The following NCOA1 variants were observed in gnomAD, a reference collection of about 807,000 sequenced individuals.
NCOA1 encodes nuclear receptor coactivator 1, also known as Hin-2 protein.
A neutral mutation model predicts 150.9 loss-of-function variants in NCOA1; 35 were observed. The observed-to-expected ratio is 0.23, with a 90% CI of 0.18 to 0.31. NCOA1 has a LOEUF of 0.31. Among genes scored for constraint, NCOA1 ranks in the 10% least tolerant of loss-of-function variants. NCOA1 has a pLI of 1.00. For missense variants in NCOA1, 1,491 were observed against 1,749.3 expected (o/e 0.85, Z 2.63); for synonymous variants, 590 against 630.0 (o/e 0.94, Z 0.95).
chr2:24,534,545 G>T (rs1428123293), intron 1 of NCOA1, among the ~76,000 whole-genome samples: 1 of 151,866 alleles, frequency 6.6e-6, no homozygotes, highest in African/African-American at 2.4e-5. Context: ...TAATGTTAGG[G>T]TGTCAATTTT....
rs1324036802 is a variant in NCOA1 at position 24,642,332 on chromosome 2, TATA to T, written c.-174-1633_-174-1631del. Among the ~76,000 whole-genome samples the T allele has an allele frequency of 7.2e-4, 106 of 148,010 alleles. 3 individuals are homozygous for T. The highest frequency in any genetic ancestry group is 2.7e-3 in the East Asian group (14 of 5,116). ...ATATGTATATAAATATATATATATA[TATA>T]TTTTTTAAAATCTTTAAACATATTT... On this transcript the variant is annotated intron_variant, in intron 3 of 22. Coordinates refer to ENST00000348332, the MANE Select transcript of NCOA1 (RefSeq NM_003743.5).
At chr2:24,715,231 G>A (rs1673964515) in intron 14 of NCOA1, among the ~76,000 whole-genome samples, 2 of 151,964 alleles carry the variant, frequency 1.3e-5, no homozygotes, top group African/African-American at 4.8e-5. Flanking sequence ...GATAAGTAAA[G>A]GTATGAATAA....
At chr2:24,616,432 T>G (rs1352195045) in intron 3 of NCOA1, among the ~76,000 whole-genome samples, 3 of 152,186 alleles carry the variant, frequency 2.0e-5, no homozygotes, top group Non-Finnish European at 2.9e-5. Flanking sequence ...GAAATACCAT[T>G]TCTTTTGGCA....
At chr2:24,545,046 T>C (rs2148204908) in intron 1 of NCOA1, among the ~76,000 whole-genome samples, 1 of 152,318 alleles carries the variant, frequency 6.6e-6, no homozygotes, top group East Asian at 1.9e-4. Flanking sequence ...TATGTATGTA[T>C]ACATAGCCTA....
At chr2:24,587,827 G>C (rs1667480036) in intron 3 of NCOA1, among the ~76,000 whole-genome samples, 1 of 152,178 alleles carries the variant, frequency 6.6e-6, no homozygotes, top group African/African-American at 2.4e-5. Context: ...GGCGGCCCAG[G>C]TAAAATGTAG....
intron 6 of NCOA1, among the ~76,000 whole-genome samples, chr2:24,668,317 C>T (rs1166659816): frequency 1.3e-5 from 2 of 151,908 alleles, no homozygotes; most frequent in Non-Finnish European, 1.5e-5. Context: ...GGATTGAAAG[C>T]CCTCATGTAG....
At chr2:24,745,828 C>CTA (rs1663888558) in intron 19 of NCOA1, among the ~76,000 whole-genome samples, 1 of 152,250 alleles carries the variant, frequency 6.6e-6, no homozygotes, top group South Asian at 2.1e-4. Flanking sequence ...ACAGTAAACT[C>CTA]TGAGTTCCGA....
intron 21 of NCOA1, among the ~76,000 whole-genome samples, chr2:24,760,370 G>C (rs1477373269): frequency 2.0e-5 from 3 of 147,944 alleles, no homozygotes; most frequent in Non-Finnish European, 4.4e-5. Flanking sequence ...TGTTAGCCAG[G>C]ATGGTCTCAA....
At chr2:24,731,189 T>G (rs1462712439) in intron 17 of NCOA1, among the ~76,000 whole-genome samples, 3 of 152,204 alleles carry the variant, frequency 2.0e-5, no homozygotes, top group Non-Finnish European at 1.5e-5. Context: ...GGAGACTTAC[T>G]AATTCAGGAA....
chr2:24,697,327 T>C (rs1672952006), intron 10 of NCOA1, among the ~76,000 whole-genome samples: 1 of 152,104 alleles, frequency 6.6e-6, no homozygotes, highest in African/African-American at 2.4e-5. Context: ...CGGTCATCAG[T>C]ATACAGAGAG....
chr2:24,758,609 G>A (rs951420231), intron 21 of NCOA1, among the ~76,000 whole-genome samples: 1 of 151,978 alleles, frequency 6.6e-6, no homozygotes, highest in African/African-American at 2.4e-5. Flanking sequence ...GGGATTACAG[G>A]TGTGAGCCAC....
chr2:24,496,008 C>G (rs1463296118), intron 1 of NCOA1, among the ~76,000 whole-genome samples: 1 of 152,176 alleles, frequency 6.6e-6, no homozygotes, highest in Non-Finnish European at 1.5e-5. Flanking sequence ...TCTGGTTCTG[C>G]AATCTGGTCC....
chr2:24,558,396 G>C lies in NCOA1; in HGVS notation c.-395-5899G>C, dbSNP rs1024880613. Among the ~76,000 whole-genome samples, 4 of 152,230 alleles carry C rather than the reference G, an allele frequency of 2.6e-5. No individual in the cohort carries two copies. The East Asian group carries it at 5.8e-4, about 22-fold the overall frequency. On this transcript the variant is annotated intron_variant, in intron 1 of 22. Coordinates refer to ENST00000348332, the MANE Select transcript of NCOA1 (RefSeq NM_003743.5). ...TTGGACTTACAGTTCCACATGGCTG[G>C]GGAGGCCCCAGAATCATGGCGGGAG... is the stretch of plus-strand genomic sequence containing the variant.
chr2:24,712,797 A>T (rs1237788884), intron 14 of NCOA1, among the ~76,000 whole-genome samples: 1 of 151,884 alleles, frequency 6.6e-6, no homozygotes, highest in Non-Finnish European at 1.5e-5. Context: ...TTTTTTAATG[A>T]GGGAAATGTA....
chr2:24,642,743 C>CT (rs1187526823), intron 3 of NCOA1, among the ~76,000 whole-genome samples: 1 of 151,714 alleles, frequency 6.6e-6, no homozygotes, highest in East Asian at 1.9e-4. Flanking sequence ...CTTTAAAGGA[C>CT]AAATGGTGAA....
At chr2:24,647,989 G>C (rs748449466) in intron 4 of NCOA1, among the ~76,000 whole-genome samples, 2 of 152,064 alleles carry the variant, frequency 1.3e-5, no homozygotes, top group African/African-American at 2.4e-5. Flanking sequence ...TGAGAACCCC[G>C]GAAAATGGAA....
chr2:24,588,714 T>C (rs1375546014), intron 3 of NCOA1, among the ~76,000 whole-genome samples: 2 of 152,174 alleles, frequency 1.3e-5, no homozygotes, highest in Non-Finnish European at 2.9e-5. Context: ...CTCAGGTCTT[T>C]AGTAGGAGAA....
chr2:24,505,598 CT>C lies in NCOA1; in HGVS notation c.-396+14004del, dbSNP rs1229485818. Reference sequence around the variant, plus strand: ...AAAGTGAAAGTCTCTGTCTTGAAGACTTTTTTTTATGGTAGCTGTTAATTTA... The same window carrying C: ...AAAGTGAAAGTCTCTGTCTTGAAGACTTTTTTTATGGTAGCTGTTAATTTA... On this transcript the variant is annotated intron_variant, in intron 1 of 22. Coordinates refer to ENST00000348332, the MANE Select transcript of NCOA1 (RefSeq NM_003743.5). 3.3e-5 allele frequency among the ~76,000 whole-genome samples: 5 copies of C among 152,002 alleles called. No individual in the cohort carries two copies. In the East Asian group the frequency reaches 5.8e-4, roughly 18 times the overall value.
At chr2:24,582,424 T>G (rs1283446275) in intron 2 of NCOA1, among the ~76,000 whole-genome samples, 1 of 151,882 alleles carries the variant, frequency 6.6e-6, no homozygotes, top group Non-Finnish European at 1.5e-5. Flanking sequence ...CAATAAAAAC[T>G]ACAAAACACT....
Sources: allele counts gnomAD v4.1 joint callset (sites outside exome capture counted in the v4.1 genomes callset), GRCh38; gene constraint gnomAD v4.1.1; transcripts MANE v1.5; gene names NCBI Gene and HGNC (gene_info 2026-07-23, HGNC 2026-07-21).